Variants in SLC5A10 observed in about 807,000 individuals in gnomAD.
SLC5A10 encodes solute carrier family 5 member 10.
A neutral mutation model predicts 68.9 loss-of-function variants in SLC5A10; 55 were observed. That is an observed-to-expected ratio of 0.80 (90% CI 0.64 to 1.00). The LOEUF (loss-of-function observed/expected upper bound fraction) is 1.00, where lower values mean the gene tolerates loss of function less well. Ranked by LOEUF, SLC5A10 falls within the 50% of genes least tolerant of loss-of-function variation. SLC5A10 has a pLI of 0.00. For synonymous variants in SLC5A10, 344 were observed against 344.8 expected (o/e 1.00, Z 0.02); for missense variants, 732 against 819.3 (o/e 0.89, Z 1.30).
intron 2 of SLC5A10, 133 bp downstream of exon 2, chr17:18,958,886 C>T: frequency 2.9e-6 from 3 of 1,051,852 alleles, no homozygotes; most frequent in Non-Finnish European, 4.2e-6. Context: ...CAGGAGGTCC[C>T]CAAGTGAGGG....
At chr17:18,970,835 T>TA in intron 7 of SLC5A10, 178 bp from the exon 8 acceptor site, 1 of 606,254 alleles carries the variant, frequency 1.6e-6, no homozygotes, top group Non-Finnish European at 2.9e-6. Context: ...CAAATACACC[T>TA]TAAAAAAAAA....
chr17:18,977,691 A>G, intron 9 of SLC5A10: 1 of 1,610,576 alleles, frequency 6.2e-7, no homozygotes, highest in Non-Finnish European at 8.5e-7. Flanking sequence ...GGTCCAACAA[A>G]GGTCCCTCGG....
chr17:18,985,736 GAT>G (rs948471316), intron 9 of SLC5A10, among the ~76,000 whole-genome samples: 2 of 152,216 alleles, frequency 1.3e-5, no homozygotes, highest in African/African-American at 4.8e-5. Flanking sequence ...CTAGCTCCTG[GAT>G]ATGTCACCCT....
Position 18,969,190 on chromosome 17 carries a change from G to A in SLC5A10, c.559+33G>A, listed in dbSNP as rs77183401. 2,861 of 1,608,870 alleles carry A rather than the reference G, an allele frequency of 1.8e-3. 45 individuals are homozygous for A. The African/African-American group carries it at 0.033, about 18-fold the overall frequency. On this transcript the variant is annotated intron_variant, in intron 6 of 14. Coordinates refer to ENST00000395645, the MANE Select transcript of SLC5A10 (RefSeq NM_001042450.4). ...GCCTGCAGCAGGGAGGTCCACCCAG[G>A]GGACGTGTAAAGGGGTCAGAAGGCC...
intron 1 of SLC5A10, 95 bp from the exon 2 acceptor site, chr17:18,958,587 C>T (rs1195871935): frequency 6.9e-6 from 7 of 1,018,222 alleles, no homozygotes; most frequent in South Asian, 2.8e-5. Flanking sequence ...TGATTCTATG[C>T]GTAACCTTTT....
intron 9 of SLC5A10, among the ~76,000 whole-genome samples, chr17:19,007,146 A>C (rs1227247637): frequency 1.3e-5 from 2 of 150,804 alleles, no homozygotes; most frequent in Non-Finnish European, 2.9e-5. Context: ...ACAATGTATG[A>C]GTGATCCAGT....
At chr17:18,992,402 C>T (rs1175093080) in intron 9 of SLC5A10, among the ~76,000 whole-genome samples, 2 of 152,246 alleles carry the variant, frequency 1.3e-5, no homozygotes, top group Non-Finnish European at 2.9e-5. Flanking sequence ...TGGGCAGTGA[C>T]CGGAGCAGCT....
intron 9 of SLC5A10, 107 bp downstream of exon 9, chr17:18,977,096 G>A (rs1218878387): frequency 2.0e-6 from 3 of 1,492,780 alleles, no homozygotes; most frequent in Non-Finnish European, 2.7e-6. Flanking sequence ...GATGTGAACT[G>A]TTCCCCAACC....
chr17:18,954,336 G>A (rs1227339137), intron 1 of SLC5A10, among the ~76,000 whole-genome samples: 1 of 152,170 alleles, frequency 6.6e-6, no homozygotes, highest in Non-Finnish European at 1.5e-5. Flanking sequence ...CCTGAGGCCA[G>A]ACCCTTTGTA....
chr17:18,970,838 A>T, intron 7 of SLC5A10, 175 bp from the exon 8 acceptor site: 2 of 593,050 alleles, frequency 3.4e-6, no homozygotes, highest in Non-Finnish European at 5.8e-6. Flanking sequence ...ATACACCTTA[A>T]AAAAAAAAAC....
Position 19,002,406 on chromosome 17 carries a change from C to T in SLC5A10, c.983-11004C>T, listed in dbSNP as rs549722128. The stretch of plus-strand genomic sequence containing the variant: ...GGCCACCTCACCAGTTCTTGACCCA[C>T]GTCTGGTTTCTCTGCCCACGAACTT... On this transcript the variant is annotated intron_variant, in intron 9 of 14. Transcript: ENST00000395645. 5.1e-4 allele frequency among the ~76,000 whole-genome samples: 78 copies of T among 152,340 alleles called. No individual in the cohort carries two copies. The South Asian group carries it at 0.015, about 30-fold the overall frequency.
At position 19,004,338 on chromosome 17, in the gene SLC5A10, A is replaced by C; in HGVS notation, c.983-9072A>C. On this transcript the variant is annotated intron_variant, in intron 9 of 14. Coordinates refer to ENST00000395645, the MANE Select transcript of SLC5A10 (RefSeq NM_001042450.4). This position sits in a 1 kb window ranked among gnomAD's most constrained non-coding sequence, Gnocchi z 5.4. Reference sequence around the variant, plus strand: ...GACTGGGATGGGAAGAAAGTAAGGGATCGGAACAGCGGTGAGGGAGCGGTG... The same window carrying C: ...GACTGGGATGGGAAGAAAGTAAGGGCTCGGAACAGCGGTGAGGGAGCGGTG... 2.8e-6 allele frequency: 1 copy of C among 362,588 alleles called. No homozygotes were observed. The allele number at this position is 362,588 out of a possible 1,614,324, so 22.5% of individuals were successfully genotyped here.
At chr17:18,977,823 C>A in intron 9 of SLC5A10, 2 of 1,608,762 alleles carry the variant, frequency 1.2e-6, no homozygotes, top group Admixed American at 1.7e-5. Context: ...TCCTCTGACA[C>A]AGAGGAAGCC....
chr17:19,014,563 G>A (rs549761883), intron 10 of SLC5A10, among the ~76,000 whole-genome samples: 9 of 152,302 alleles, frequency 5.9e-5, no homozygotes, highest in Admixed American at 4.6e-4. Flanking sequence ...CAGAGGCCCC[G>A]CCCAAGCCTT....
chr17:18,971,840 G>GC lies in SLC5A10; in HGVS notation c.846+625dup. The GC allele has an allele frequency of 7.2e-7, 1 of 1,381,960 alleles. No homozygotes were observed. The highest frequency in any genetic ancestry group is 9.7e-7 in the Non-Finnish European group (1 of 1,031,566). 85.6% of individuals were successfully genotyped at this position (1,381,960 alleles called of 1,614,324 possible). On this transcript the variant is annotated intron_variant, in intron 8 of 14. Coordinates refer to ENST00000395645, the MANE Select transcript of SLC5A10 (RefSeq NM_001042450.4). This position sits in a 1 kb window ranked among gnomAD's most constrained non-coding sequence, Gnocchi z 5.5. ...TGCTCAGGCACACAGGAGCCGGCAG[G>GC]CCCGGGTTCGCCTCCTGGCTCTGCC...
At chr17:19,006,670 C>A (rs904527447) in intron 9 of SLC5A10, among the ~76,000 whole-genome samples, 1 of 152,190 alleles carries the variant, frequency 6.6e-6, no homozygotes, top group Admixed American at 6.5e-5. Context: ...TTCTCTGTAG[C>A]CATCCCCACA....
chr17:19,015,170 C>A lies in SLC5A10; in HGVS notation c.1212C>A (p.Ser404=), dbSNP rs28582882. 1 of 1,268,484 alleles carries A rather than the reference C, an allele frequency of 7.9e-7. No homozygotes were observed. Among genetic ancestry groups the A allele is most frequent in the African/African-American group, 1.7e-5 (1 of 60,396 alleles). 78.6% of individuals were successfully genotyped at this position (1,268,484 alleles called of 1,614,324 possible). The change falls in exon 11 of 15, where the codon TCC becomes TCA. Residue 404 remains serine, a synonymous_variant. Coordinates refer to ENST00000395645, the MANE Select transcript of SLC5A10 (RefSeq NM_001042450.4). The part of the protein sequence containing the change: ...MDIWRRLRPR[S]GERELLLVGR... ...TCTGGAGGCGGCTGCGTCCCCGCTCCGGCGAGCGGGAGCTCCTGCTGGTGG... is the reference window on the plus strand; with the variant it reads ...TCTGGAGGCGGCTGCGTCCCCGCTCAGGCGAGCGGGAGCTCCTGCTGGTGG...
intron 9 of SLC5A10, among the ~76,000 whole-genome samples, chr17:18,995,604 T>G (rs2043546910): frequency 1.3e-5 from 2 of 152,324 alleles, no homozygotes; most frequent in South Asian, 4.1e-4. Context: ...ACTTCTACCA[T>G]TTGATTAAAG....
At chr17:18,952,026 GGGTGAGGAAGCTGAACTGCAT>G, upstream of SLC5A10, 2 of 995,766 alleles carry the variant, frequency 2.0e-6, no homozygotes, top group Non-Finnish European at 2.8e-6. Context: ...CCCCACCATG[GGGTGAGGAAGCTGAACTGCAT>G]GGTGAGGCAG....
Sources: gnomAD v4.1 joint callset for allele counts (sites outside exome capture counted in the v4.1 genomes callset) on GRCh38, gnomAD v4.1.1 for gene constraint, Gnocchi (gnomAD v3.1) non-coding constraint, MANE v1.5 for transcripts, NCBI Gene and HGNC (gene_info 2026-07-23, HGNC 2026-07-21) for gene names.